AK5: variants seen among roughly 807,000 people sequenced by gnomAD.
AK5 encodes adenylate kinase 5, also known as adenylate kinase isoenzyme 5.
AK5 carries 27 observed loss-of-function variants against 69.5 expected under a neutral mutation model. The observed-to-expected ratio is 0.39, with a 90% CI of 0.29 to 0.54. The LOEUF is 0.54. Ranked by LOEUF, AK5 falls within the 20% of genes least tolerant of loss-of-function variation. The pLI is 0.71. For missense variants in AK5, 531 were observed against 700.4 expected (o/e 0.76, Z 2.73); for synonymous variants, 260 against 244.4 (o/e 1.06, Z -0.60).
intron 10 of AK5, among the ~76,000 whole-genome samples, chr1:77,487,183 A>G (rs1010424283): frequency 6.6e-6 from 1 of 152,224 alleles, no homozygotes; most frequent in African/African-American, 2.4e-5. Flanking sequence ...GCTCCAGGTT[A>G]TCTCAATTAA....
At chr1:77,340,628 G>T in intron 6 of AK5, 60 bp downstream of exon 6, 1 of 1,495,712 alleles carries the variant, frequency 6.7e-7, no homozygotes, top group South Asian at 1.2e-5. Flanking sequence ...TTTCTCATTA[G>T]CCCATGTTCT....
chr1:77,427,230 G>T (rs1249591739), intron 8 of AK5, among the ~76,000 whole-genome samples: 2 of 151,858 alleles, frequency 1.3e-5, no homozygotes, highest in Non-Finnish European at 1.5e-5. Context: ...TCTTTGAAAA[G>T]ATCCATAAAA....
At chr1:77,472,374 G>A (rs1027697184) in intron 8 of AK5, among the ~76,000 whole-genome samples, 1 of 152,078 alleles carries the variant, frequency 6.6e-6, no homozygotes, top group African/African-American at 2.4e-5. Context: ...AACCAGAATG[G>A]GAGAGTGAGG....
At chr1:77,306,096 A>C (rs912230511) in intron 5 of AK5, among the ~76,000 whole-genome samples, 2 of 152,082 alleles carry the variant, frequency 1.3e-5, no homozygotes, top group African/African-American at 2.4e-5. Context: ...CTATTGCTCT[A>C]GCTAGGACTT....
chr1:77,414,461 G>C (rs1650259020), intron 7 of AK5, among the ~76,000 whole-genome samples: 2 of 152,084 alleles, frequency 1.3e-5, no homozygotes, highest in Admixed American at 6.6e-5. Flanking sequence ...CCACTAGGAG[G>C]AAAAACATCT....
intron 12 of AK5, among the ~76,000 whole-genome samples, chr1:77,534,043 C>G (rs1658819959): frequency 6.6e-6 from 1 of 152,020 alleles, no homozygotes; most frequent in East Asian, 1.9e-4. Flanking sequence ...AATGTTTCCA[C>G]TCTGTTCCTT....
At chr1:77,472,750 C>T (rs566638704) in intron 8 of AK5, among the ~76,000 whole-genome samples, 19 of 92,290 alleles carry the variant, frequency 2.1e-4, no homozygotes, top group African/African-American at 3.7e-4. Context: ...AAAGACTGGG[C>T]GTGGTGGCAC....
chr1:77,489,309 T>C (rs1404637134), intron 10 of AK5, among the ~76,000 whole-genome samples: 1 of 152,182 alleles, frequency 6.6e-6, no homozygotes, highest in Admixed American at 6.5e-5. Context: ...AATTTACTGA[T>C]CAGTCACTCT....
intron 8 of AK5, among the ~76,000 whole-genome samples, chr1:77,443,129 A>G (rs1557597041): frequency 6.6e-6 from 1 of 152,144 alleles, no homozygotes; most frequent in African/African-American, 2.4e-5. Context: ...CCTGCCACTG[A>G]ACTCCTAAAG....
At chr1:77,544,771 A>G (rs2100380958) in intron 13 of AK5, among the ~76,000 whole-genome samples, 1 of 152,318 alleles carries the variant, frequency 6.6e-6, no homozygotes, top group Admixed American at 6.5e-5. Context: ...TTTGACAGTT[A>G]GCTCTTTTTT....
intron 6 of AK5, among the ~76,000 whole-genome samples, chr1:77,344,556 C>G (rs1557513857): frequency 6.6e-6 from 1 of 152,220 alleles, no homozygotes; most frequent in East Asian, 1.9e-4. Flanking sequence ...TAAGCTGTGT[C>G]TCTTGACATT....
chr1:77,368,253 A>ATATATATTATATATG (rs1553140304), intron 6 of AK5, among the ~76,000 whole-genome samples: 1 of 38,668 alleles, frequency 2.6e-5, no homozygotes, highest in Non-Finnish European at 7.0e-5. Context: ...ATATATATAT[A>ATATATATTATATATG]ATATATATGT....
chr1:77,345,150 A>G (rs1661851485), intron 6 of AK5, among the ~76,000 whole-genome samples: 1 of 152,332 alleles, frequency 6.6e-6, no homozygotes, highest in African/African-American at 2.4e-5. Flanking sequence ...GCTACTGAAT[A>G]TTGGTAATAA....
chr1:77,298,528 A>G lies in AK5; in HGVS notation c.699+581A>G, dbSNP rs144613100. On this transcript the variant is annotated intron_variant, in intron 5 of 13. Transcript: ENST00000354567. ...TTTCATTAAAAAAAATTAAGGCTGG[A>G]CTCAGTGGCTCACGCCTGTAATCCC... Among the ~76,000 whole-genome samples the G allele has an allele frequency of 6.6e-5, 10 of 151,900 alleles. No individual in the cohort carries two copies. In the East Asian group the frequency reaches 1.7e-3, roughly 26 times the overall value.
At chr1:77,435,860 G>A (rs115754276) in intron 8 of AK5, among the ~76,000 whole-genome samples, 2,333 of 152,066 alleles carry the variant, frequency 0.015, 38 homozygotes, top group Admixed American at 0.066. Flanking sequence ...TTAATCCTTA[G>A]AAAGATATAC....
At chr1:77,500,876 T>C (rs201211560) in intron 10 of AK5, among the ~76,000 whole-genome samples, 1 of 52,640 alleles carries the variant, frequency 1.9e-5, no homozygotes, top group African/African-American at 1.3e-4. Flanking sequence ...TTTTGTTTTG[T>C]TTTTTTTTAT....
At chr1:77,531,093 A>G (rs2647487) in intron 12 of AK5, among the ~76,000 whole-genome samples, 105,595 of 151,874 alleles carry the variant, frequency 0.7, 37,171 homozygotes, top group Admixed American at 0.76. Flanking sequence ...GAGTGTTACC[A>G]TTCTTAAAGG....
At chr1:77,484,583 A>G (rs1305395790) in intron 9 of AK5, among the ~76,000 whole-genome samples, 1 of 152,200 alleles carries the variant, frequency 6.6e-6, no homozygotes, top group Non-Finnish European at 1.5e-5. Flanking sequence ...GCTAAGTGCA[A>G]ATAATCAACT....
chr1:77,528,314 G>A (rs1658396036), intron 12 of AK5, among the ~76,000 whole-genome samples: 1 of 152,050 alleles, frequency 6.6e-6, no homozygotes, highest in African/African-American at 2.4e-5. Flanking sequence ...TATGTTTGAG[G>A]TCCATTCAAG....
Sources: gnomAD v4.1 joint callset for allele counts (sites outside exome capture counted in the v4.1 genomes callset) on GRCh38, gnomAD v4.1.1 for gene constraint, MANE v1.5 for transcripts, NCBI Gene and HGNC (gene_info 2026-07-23, HGNC 2026-07-21) for gene names.